Variants in HMGA2 observed in about 807,000 individuals in gnomAD.
HMGA2 encodes the protein high mobility group AT-hook 2.
In HMGA2, 8 loss-of-function variants were observed where a neutral mutation model predicts 19.1. That is an observed-to-expected ratio of 0.42 (90% CI 0.25 to 0.76). HMGA2 has a LOEUF of 0.76. Ranked by LOEUF, HMGA2 falls within the 30% of genes least tolerant of loss-of-function variation. HMGA2 has a pLI of 0.28. For synonymous variants in HMGA2, 60 were observed against 48.8 expected, an observed-to-expected ratio of 1.23 and a Z score of -0.96; for missense variants, 109 against 136.3, an observed-to-expected ratio of 0.80 and a Z score of 1.00.
intron 3 of HMGA2, among the ~76,000 whole-genome samples, chr12:65,933,862 A>G (rs1470659859): frequency 6.6e-6 from 1 of 152,204 alleles, no homozygotes; most frequent in Admixed American, 6.5e-5. Context: ...AGGGCCATGA[A>G]CAAACACCAT....
intron 2 of HMGA2, among the ~76,000 whole-genome samples, chr12:65,837,302 A>G (rs1018831276): frequency 6.6e-6 from 1 of 152,180 alleles, no homozygotes; most frequent in African/African-American, 2.4e-5. Context: ...TTTATCTCTC[A>G]TCTACCTGTC....
chr12:65,878,062 T>G (rs182422733), intron 3 of HMGA2, among the ~76,000 whole-genome samples: 2 of 152,320 alleles, frequency 1.3e-5, no homozygotes, highest in Admixed American at 1.3e-4. Flanking sequence ...GTGTTCACAC[T>G]TTTGTGTTAT....
chr12:65,917,373 C>A (rs910937104), intron 3 of HMGA2, among the ~76,000 whole-genome samples: 4 of 152,104 alleles, frequency 2.6e-5, no homozygotes, highest in African/African-American at 9.7e-5. Context: ...TCCATAAAAG[C>A]AAATGACAAA....
intron 2 of HMGA2, among the ~76,000 whole-genome samples, chr12:65,833,516 A>G (rs1381717077): frequency 6.6e-6 from 1 of 152,074 alleles, no homozygotes; most frequent in Non-Finnish European, 1.5e-5. Flanking sequence ...TGTAATAGCA[A>G]AAAATTAATA....
rs149081503 is a variant in HMGA2 at position 65,922,789 on chromosome 12, AC to A, written c.250-28591del. The stretch of plus-strand genomic sequence containing the variant: ...AGAATTTCCATGTGTTGTGAGAAGG[AC>A]CCAGGGGAGATAATTGAATCATGGG... On this transcript the variant is annotated intron_variant, in intron 3 of 4. Transcript: ENST00000403681. Among the ~76,000 whole-genome samples, 1,416 of 152,194 alleles carry A rather than the reference AC, an allele frequency of 9.3e-3. 19 individuals are homozygous for A. The highest frequency in any genetic ancestry group is 0.032 in the African/African-American group (1,348 of 41,510).
chr12:65,918,112 A>T (rs1267960996), intron 3 of HMGA2, among the ~76,000 whole-genome samples: 2 of 152,204 alleles, frequency 1.3e-5, no homozygotes, highest in Non-Finnish European at 2.9e-5. Context: ...TGCCCTTGTG[A>T]AGTGCTTGTG....
intron 4 of HMGA2, among the ~76,000 whole-genome samples, chr12:65,959,689 C>T (rs1876696795): frequency 6.6e-6 from 1 of 152,182 alleles, no homozygotes; most frequent in African/African-American, 2.4e-5. Flanking sequence ...GTTTAGCCTT[C>T]CCACCCTGCC....
At chr12:65,848,823 T>C (rs1163754054) in intron 3 of HMGA2, among the ~76,000 whole-genome samples, 1 of 151,776 alleles carries the variant, frequency 6.6e-6, no homozygotes, top group Non-Finnish European at 1.5e-5. Context: ...GCCACTGCAG[T>C]CCGCAGTCCG....
intron 3 of HMGA2, chr12:65,873,740 T>C (rs1271479160): frequency 6.6e-6 from 1 of 152,228 alleles, no homozygotes; most frequent in Non-Finnish European, 1.5e-5. Flanking sequence ...ACAAAATTCA[T>C]TGTTAAAGAC....
chr12:65,827,544 G>A (rs1870268504), intron 1 of HMGA2, among the ~76,000 whole-genome samples: 1 of 151,028 alleles, frequency 6.6e-6, no homozygotes, highest in African/African-American at 2.5e-5. Flanking sequence ...GATGATTAAA[G>A]GCCACCTTTT....
At chr12:65,838,389 A>G (rs1870825940) in intron 2 of HMGA2, 130 bp from the exon 3 acceptor site, 6 of 697,578 alleles carry the variant, frequency 8.6e-6, no homozygotes, top group Non-Finnish European at 1.2e-5. Context: ...TTTGTTAAAA[A>G]AAACAAAAAA....
chr12:65,870,519 TC>T (rs1166478079), intron 3 of HMGA2, among the ~76,000 whole-genome samples: 3 of 151,862 alleles, frequency 2.0e-5, no homozygotes, highest in Admixed American at 1.3e-4. Context: ...TCACCTTAGG[TC>T]AGGAGTTCGA....
At chr12:65,941,018 A>G (rs866139090) in intron 3 of HMGA2, among the ~76,000 whole-genome samples, 7 of 152,338 alleles carry the variant, frequency 4.6e-5, no homozygotes, top group African/African-American at 1.7e-4. Flanking sequence ...TGTGATCGTG[A>G]AGCCGAGTTC....
rs76609053 is a variant in HMGA2 at position 65,939,847 on chromosome 12, G to A, written c.250-11536G>A. On this transcript the variant is annotated intron_variant, in intron 3 of 4. Transcript: ENST00000403681. The stretch of plus-strand genomic sequence containing the variant: ...GACGTGGAGATTTCTTCAGTAGAAA[G>A]CCATGTGGATGGGAAGGGGAGAGAT... Among the ~76,000 whole-genome samples, 883 of 152,330 alleles carry A rather than the reference G, an allele frequency of 5.8e-3. 11 individuals carry two copies. The highest frequency in any genetic ancestry group is 0.021 in the African/African-American group (855 of 41,580).
At chr12:65,955,470 T>A (rs1274993398) in intron 4 of HMGA2, 12 of 152,208 alleles carry the variant, frequency 7.9e-5, no homozygotes, top group Admixed American at 7.8e-4. Context: ...ATTTCCCTTT[T>A]AAGGCTTTAA....
At chr12:65,905,450 A>C (rs1874552480) in intron 3 of HMGA2, among the ~76,000 whole-genome samples, 1 of 152,232 alleles carries the variant, frequency 6.6e-6, no homozygotes, top group Admixed American at 6.5e-5. Flanking sequence ...AAAAAAAATT[A>C]CCAATATTCA....
intron 3 of HMGA2, among the ~76,000 whole-genome samples, chr12:65,924,530 GCTCACGC>G (rs1875434085): frequency 6.6e-6 from 1 of 152,112 alleles, no homozygotes; most frequent in African/African-American, 2.4e-5. Context: ...AGGCACAGTG[GCTCACGC>G]CTGTAATCCC....
At chr12:65,911,623 G>A (rs115993161) in intron 3 of HMGA2, among the ~76,000 whole-genome samples, 331 of 152,176 alleles carry the variant, frequency 2.2e-3, no homozygotes, top group African/African-American at 7.2e-3. Context: ...CCACAAACAC[G>A]GCTTATTCCA....
intron 3 of HMGA2, among the ~76,000 whole-genome samples, chr12:65,862,713 T>TC (rs1872169902): frequency 1.3e-5 from 2 of 152,218 alleles, no homozygotes; most frequent in Non-Finnish European, 2.9e-5. Flanking sequence ...AACACTCATG[T>TC]ACTTAGTGTG....
Sources: gnomAD v4.1 joint callset for allele counts (sites outside exome capture counted in the v4.1 genomes callset) on GRCh38, gnomAD v4.1.1 for gene constraint, MANE v1.5 for transcripts, NCBI Gene and HGNC (gene_info 2026-07-23, HGNC 2026-07-21) for gene names.